Variants in CARMIL1 observed in about 807,000 individuals in gnomAD.
The protein encoded by CARMIL1 is F-actin-uncapping protein LRRC16A.
A neutral mutation model predicts 177.1 loss-of-function variants in CARMIL1; 90 were observed. The ratio of observed to expected loss-of-function variants is 0.51; its 90% CI spans 0.43 to 0.61. CARMIL1 has a LOEUF of 0.61. CARMIL1 is among the 20% of genes least tolerant of loss of function. The pLI, the probability that CARMIL1 is intolerant of heterozygous loss-of-function variation, is 0.00. For missense variants in CARMIL1, 1,380 were observed against 1,667.0 expected, an observed-to-expected ratio of 0.83 and a Z score of 3.00; for synonymous variants, 577 against 606.2, an observed-to-expected ratio of 0.95 and a Z score of 0.71.
chr6:25,608,451 G>C (rs1816194288), intron 35 of CARMIL1, among the ~76,000 whole-genome samples: 1 of 152,140 alleles, frequency 6.6e-6, no homozygotes, highest in Admixed American at 6.5e-5. Flanking sequence ...ATCCACTGGA[G>C]GTCTTGGATT....
chr6:25,544,715 A>C (rs1268035191), intron 26 of CARMIL1, among the ~76,000 whole-genome samples: 2 of 152,156 alleles, frequency 1.3e-5, no homozygotes, highest in Non-Finnish European at 2.9e-5. Context: ...GAGCTACAAG[A>C]AAGACTAATG....
At chr6:25,513,685 G>A (rs920852623) in intron 20 of CARMIL1, among the ~76,000 whole-genome samples, 3 of 152,108 alleles carry the variant, frequency 2.0e-5, no homozygotes, top group African/African-American at 7.2e-5. Context: ...AAGTGTTTGA[G>A]TAGACACAGA....
At chr6:25,429,048 T>A (rs1796505661) in intron 4 of CARMIL1, among the ~76,000 whole-genome samples, 1 of 152,304 alleles carries the variant, frequency 6.6e-6, no homozygotes, top group South Asian at 2.1e-4. Flanking sequence ...TGGGAGATAT[T>A]CCTCCATTGG....
intron 29 of CARMIL1, among the ~76,000 whole-genome samples, chr6:25,562,674 T>C (rs939931166): frequency 2.0e-5 from 3 of 152,156 alleles, no homozygotes; most frequent in Non-Finnish European, 4.4e-5. Flanking sequence ...ATCCTACACC[T>C]TTGCCCTGCA....
At chr6:25,306,398 C>G (rs1000168687) in intron 2 of CARMIL1, among the ~76,000 whole-genome samples, 2 of 152,124 alleles carry the variant, frequency 1.3e-5, no homozygotes, top group Admixed American at 1.3e-4. Context: ...CTGTTGTGAA[C>G]TGTGCATTCA....
At chr6:25,534,377 C>T (rs1388225715) in intron 24 of CARMIL1, among the ~76,000 whole-genome samples, 1 of 152,088 alleles carries the variant, frequency 6.6e-6, no homozygotes, top group African/African-American at 2.4e-5. Flanking sequence ...CCAATCTGAT[C>T]TCCCACTGTA....
At chr6:25,306,023 C>T (rs925872612) in intron 2 of CARMIL1, among the ~76,000 whole-genome samples, 8 of 152,108 alleles carry the variant, frequency 5.3e-5, no homozygotes, top group African/African-American at 1.9e-4. Context: ...TGTTATGCAA[C>T]GTATCCATTT....
intron 36 of CARMIL1, among the ~76,000 whole-genome samples, chr6:25,614,009 C>A (rs1178843022): frequency 1.3e-5 from 2 of 152,156 alleles, no homozygotes; most frequent in African/African-American, 2.4e-5. Context: ...AATTTTCACA[C>A]TTTACTATTG....
chr6:25,333,986 C>A (rs1246196196), intron 2 of CARMIL1, among the ~76,000 whole-genome samples: 1 of 152,172 alleles, frequency 6.6e-6, no homozygotes, highest in Non-Finnish European at 1.5e-5. Context: ...TGTACTTTCC[C>A]TGTATTCTTT....
intron 11 of CARMIL1, among the ~76,000 whole-genome samples, chr6:25,473,759 C>T (rs1276780787): frequency 6.6e-6 from 1 of 152,212 alleles, no homozygotes; most frequent in Non-Finnish European, 1.5e-5. Context: ...AGGGCGTATA[C>T]ACCCGGGGGT....
intron 29 of CARMIL1, among the ~76,000 whole-genome samples, chr6:25,568,964 T>C (rs1232046228): frequency 6.6e-6 from 1 of 152,244 alleles, no homozygotes; most frequent in Admixed American, 6.5e-5. Flanking sequence ...AATAATGCCC[T>C]AGTGGCATAT....
chr6:25,518,544 C>T lies in CARMIL1; in HGVS notation c.1874+1129C>T, dbSNP rs374025828. On this transcript the variant is annotated intron_variant, in intron 22 of 36. Coordinates refer to ENST00000329474, the MANE Select transcript of CARMIL1 (RefSeq NM_017640.6). ...AGCTTAGACTATCAGTTTTGCATTG[C>T]CACTGCATGATTACAGACCCACCTA... Among the ~76,000 whole-genome samples, 4 of 152,236 alleles carry T rather than the reference C, an allele frequency of 2.6e-5. No individual in the cohort carries two copies. In the South Asian group the frequency reaches 8.3e-4, roughly 32 times the overall value.
At chr6:25,427,835 A>G (rs911097852) in intron 4 of CARMIL1, among the ~76,000 whole-genome samples, 6 of 152,026 alleles carry the variant, frequency 3.9e-5, no homozygotes, top group African/African-American at 1.4e-4. Flanking sequence ...TTATCTGTTT[A>G]TTTGCCATCA....
At chr6:25,592,456 G>A (rs868004831) in intron 31 of CARMIL1, among the ~76,000 whole-genome samples, 2 of 152,060 alleles carry the variant, frequency 1.3e-5, no homozygotes, top group Non-Finnish European at 2.9e-5. Context: ...TCTGCATAAC[G>A]GAATTATAGA....
At chr6:25,510,388 C>A in intron 18 of CARMIL1, 119 bp from the exon 19 acceptor site, 1 of 585,636 alleles carries the variant, frequency 1.7e-6, no homozygotes, top group Non-Finnish European at 3.0e-6. Flanking sequence ...AATCCCAGGC[C>A]CCTCAGGAAG....
At chr6:25,612,713 G>C in intron 36 of CARMIL1, 1 of 974,328 alleles carries the variant, frequency 1.0e-6, no homozygotes, top group Non-Finnish European at 1.2e-6. Context: ...AATATAAAGG[G>C]TAAAATAAAT....
intron 4 of CARMIL1, among the ~76,000 whole-genome samples, chr6:25,432,710 A>C (rs965906861): frequency 1.1e-4 from 16 of 152,160 alleles, no homozygotes; most frequent in Non-Finnish European, 2.2e-4. Context: ...TAAGCCATCT[A>C]CCACACATGG....
At chr6:25,307,013 G>T (rs988399681) in intron 2 of CARMIL1, among the ~76,000 whole-genome samples, 2 of 151,190 alleles carry the variant, frequency 1.3e-5, no homozygotes, top group African/African-American at 4.9e-5. Flanking sequence ...GGAGTAGCTT[G>T]GCTTACAGGC....
At chr6:25,344,737 A>G (rs1220839729) in intron 2 of CARMIL1, among the ~76,000 whole-genome samples, 3 of 152,106 alleles carry the variant, frequency 2.0e-5, no homozygotes, top group Non-Finnish European at 4.4e-5. Context: ...GACTGCCACC[A>G]GCACACCCAC....
Sources: allele counts gnomAD v4.1 joint callset (sites outside exome capture counted in the v4.1 genomes callset), GRCh38; gene constraint gnomAD v4.1.1; transcripts MANE v1.5; gene names NCBI Gene and HGNC (gene_info 2026-07-23, HGNC 2026-07-21).